GARNL3: variants seen among roughly 807,000 people sequenced by gnomAD.
GARNL3 encodes GTPase-activating Rap/Ran-GAP domain-like protein 3.
Under a neutral mutation model 125.0 loss-of-function variants are expected in GARNL3, and 63 were observed. The observed-to-expected ratio is 0.50, with a 90% CI of 0.41 to 0.62. The LOEUF is 0.62. GARNL3 is among the 20% of genes least tolerant of loss of function. The pLI, the probability that GARNL3 is intolerant of heterozygous loss-of-function variation, is 0.00. For missense variants in GARNL3, 994 were observed against 1,244.0 expected (o/e 0.80, Z 3.02); for synonymous variants, 439 against 457.5 (o/e 0.96, Z 0.52).
rs182607713 is a variant in GARNL3 at position 127,248,693 on chromosome 9, C to A, written c.143+5444C>A. Among the ~76,000 whole-genome samples the A allele has an allele frequency of 7.7e-4, 109 of 142,358 alleles. 2 individuals carry two copies. The highest frequency in any genetic ancestry group is 2.9e-3 in the African/African-American group (106 of 37,180). The allele number at this position is 142,358 out of a possible 152,430, so 93.4% of individuals were successfully genotyped here. On this transcript the variant is annotated intron_variant, in intron 2 of 10. Transcript: ENST00000439286. ...TGTGATCTCGGTTCACTGCAGCCTC[C>A]ATTTCCTGGGCTCAAGTGATCCTCC...
chr9:127,225,922 G>A (rs1012443843), intron 1 of GARNL3, among the ~76,000 whole-genome samples: 3 of 151,784 alleles, frequency 2.0e-5, no homozygotes, highest in Admixed American at 1.3e-4. Flanking sequence ...GGCCTCTCAC[G>A]GGACTACAGC....
chr9:127,252,279 C>T (rs2063418485), intron 2 of GARNL3, among the ~76,000 whole-genome samples: 1 of 152,136 alleles, frequency 6.6e-6, no homozygotes, highest in Non-Finnish European at 1.5e-5. Flanking sequence ...TTTCTTCCCT[C>T]ATGGTTATGT....
chr9:127,252,288 G>A (rs1394765372), intron 2 of GARNL3, among the ~76,000 whole-genome samples: 1 of 152,166 alleles, frequency 6.6e-6, no homozygotes, highest in Non-Finnish European at 1.5e-5. Context: ...TCATGGTTAT[G>A]TTCCTAAAGC....
chr9:127,261,792 T>C (rs1025012430), upstream of GARNL3, among the ~76,000 whole-genome samples: 1 of 152,186 alleles, frequency 6.6e-6, no homozygotes, highest in African/African-American at 2.4e-5. Flanking sequence ...AGAGCTGTTA[T>C]TGTTCGGGAT....
At chr9:127,347,690 T>C (rs1485505209) in intron 16 of GARNL3, among the ~76,000 whole-genome samples, 1 of 152,234 alleles carries the variant, frequency 6.6e-6, no homozygotes, top group Non-Finnish European at 1.5e-5. Context: ...ACTTTGCTTT[T>C]TTTATGTCCT....
In GARNL3 at chr9:127,266,128, C is replaced by T. The variant is rs2779731; in HGVS notation, c.144+1107C>T. On this transcript the variant is annotated intron_variant, in intron 1 of 27. Coordinates refer to ENST00000373387, the MANE Select transcript of GARNL3 (RefSeq NM_032293.5). The surrounding 1 kb of genome is among the most constrained non-coding windows in gnomAD (Gnocchi z 4.0). ...CTGTCTGTCACTGGTGACACCACAC[C>T]ACTTAGACCACCACCTCCCCTGAAG... Among the ~76,000 whole-genome samples, 91,632 of 152,086 alleles carry T rather than the reference C, an allele frequency of 0.6. 30,440 individuals carry two copies. The highest frequency in any genetic ancestry group is 0.74 in the Admixed American group (11,327 of 15,290).
chr9:127,374,926 C>A (rs199754950), intron 22 of GARNL3, among the ~76,000 whole-genome samples: 2,585 of 138,522 alleles, frequency 0.019, 60 homozygotes, highest in East Asian at 0.061. Flanking sequence ...AAAAAAAAAA[C>A]AACAAAGAAA....
At chr9:127,363,000 C>T (rs75546934) in intron 21 of GARNL3, 3,525 of 152,312 alleles carry the variant, frequency 0.023, 61 homozygotes, top group Non-Finnish European at 0.036. Context: ...CTTGCCCATC[C>T]GATGAGTTTA....
chr9:127,375,994 C>T (rs1295976585), intron 22 of GARNL3, among the ~76,000 whole-genome samples: 5 of 152,200 alleles, frequency 3.3e-5, no homozygotes, highest in Non-Finnish European at 7.3e-5. Flanking sequence ...GAGTCTTACT[C>T]TGTCACCCAG....
At chr9:127,302,319 A>T (rs772373621) in intron 2 of GARNL3, among the ~76,000 whole-genome samples, 20 of 152,160 alleles carry the variant, frequency 1.3e-4, no homozygotes, top group Non-Finnish European at 2.1e-4. Flanking sequence ...ATAATTAAAA[A>T]TGTGTATACC....
rs570583523 is a variant in GARNL3 at position 127,390,214 on chromosome 9, G to C, written c.2744-427G>C. 2.6e-5 allele frequency among the ~76,000 whole-genome samples: 4 copies of C among 152,202 alleles called. No homozygotes were observed. The East Asian group carries it at 7.7e-4, about 29-fold the overall frequency. ...CAGGGCAGGACTAGACACTAACAAA[G>C]TCCATTGGTTTTTCAAGTTGGTGCC... On this transcript the variant is annotated intron_variant, in intron 26 of 27. Transcript: ENST00000373387.
chr9:127,307,502 T>C (rs1049751814), intron 2 of GARNL3, among the ~76,000 whole-genome samples: 11 of 152,358 alleles, frequency 7.2e-5, no homozygotes, highest in African/African-American at 2.6e-4. Flanking sequence ...ACAGTGTTGC[T>C]TTTAGTAGAA....
At chr9:127,339,248 G>C (rs968004199) in intron 12 of GARNL3, among the ~76,000 whole-genome samples, 2 of 149,818 alleles carry the variant, frequency 1.3e-5, no homozygotes, top group Non-Finnish European at 2.9e-5. Context: ...AGTGAGCCCA[G>C]ATCGCACCAC....
chr9:127,332,904 CT>C, intron 8 of GARNL3, 118 bp from the exon 9 acceptor site: 2 of 738,016 alleles, frequency 2.7e-6, no homozygotes, highest in Non-Finnish European at 4.9e-6. Context: ...CTTACCCATG[CT>C]GTTTACCATG....
At chr9:127,319,624 C>T (rs1016071881) in intron 5 of GARNL3, among the ~76,000 whole-genome samples, 1 of 152,112 alleles carries the variant, frequency 6.6e-6, no homozygotes, top group Non-Finnish European at 1.5e-5. Context: ...GTTCTAAAGC[C>T]TGAGTTAAGC....
At chr9:127,315,530 C>T (rs1053720189) in intron 4 of GARNL3, among the ~76,000 whole-genome samples, 4 of 151,976 alleles carry the variant, frequency 2.6e-5, no homozygotes, top group Admixed American at 2.0e-4. Flanking sequence ...AATCCCAGCT[C>T]TTTGGGAGGG....
chr9:127,366,160 A>G (rs1831277492), intron 22 of GARNL3, among the ~76,000 whole-genome samples: 1 of 152,236 alleles, frequency 6.6e-6, no homozygotes, highest in Non-Finnish European at 1.5e-5. Flanking sequence ...TAGAGTGGTA[A>G]TGCTGGGTCA....
intron 3 of GARNL3, among the ~76,000 whole-genome samples, chr9:127,312,253 CA>C (rs1273226484): frequency 6.6e-6 from 1 of 152,162 alleles, no homozygotes; most frequent in African/African-American, 2.4e-5. Flanking sequence ...AATGGGGATA[CA>C]GGGGCAAAGA....
At chr9:127,263,975 C>G (rs2063647292), upstream of GARNL3, 1 of 1,528,156 alleles carries the variant, frequency 6.5e-7, no homozygotes, top group South Asian at 1.2e-5. Context: ...AAAATGCAAC[C>G]TACCTTTTAA....
Sources: allele counts gnomAD v4.1 joint callset (sites outside exome capture counted in the v4.1 genomes callset), GRCh38; gene constraint gnomAD v4.1.1; non-coding constraint Gnocchi (gnomAD v3.1); transcripts MANE v1.5; gene names NCBI Gene and HGNC (gene_info 2026-07-23, HGNC 2026-07-21).